The following DACH1 variants were observed in gnomAD, a reference collection of about 807,000 sequenced individuals.
The protein encoded by DACH1 is dachshund family transcription factor 1.
In DACH1, 12 loss-of-function variants were observed where a neutral mutation model predicts 54.2. That is an observed-to-expected ratio of 0.22 (90% CI 0.14 to 0.36). The LOEUF is 0.36. DACH1 is among the 10% of genes least tolerant of loss of function. The pLI, the probability that DACH1 is intolerant of heterozygous loss-of-function variation, is 1.00. For synonymous variants in DACH1, 386 were observed against 366.2 expected, an observed-to-expected ratio of 1.05 and a Z score of -0.62; for missense variants, 805 against 929.8, an observed-to-expected ratio of 0.87 and a Z score of 1.75.
rs1873731043 is a variant in DACH1, at chr13:71,438,678, C to T, written c.*1977G>A. ...GTAAGTTGTAGGCTTTTTTAAAAAT[C>T]TTTCAAAAAATGTATGATGCAAAAA... On this transcript the variant is annotated 3_prime_UTR_variant, in exon 11 of 11. Transcript: ENST00000613252. 6.6e-6 allele frequency: 1 copy of T among 152,378 alleles called. No individual in the cohort carries two copies. Among genetic ancestry groups the T allele is most frequent in the Non-Finnish European group, 1.5e-5 (1 of 67,870 alleles). 9.4% of individuals were successfully genotyped at this position (152,378 alleles called of 1,614,324 possible).
At position 71,866,293 on chromosome 13, in the gene DACH1, A is replaced by ACTGCTGCTG. The variant is rs772099803; in HGVS notation, c.468_476dup (p.Ser161_Ser163dup). The ACTGCTGCTG allele has an allele frequency of 1.3e-6, 2 of 1,566,780 alleles. No individual in the cohort carries two copies. The highest frequency in any genetic ancestry group is 1.7e-6 in the Non-Finnish European group (2 of 1,155,540). ...GGAGGGGGCCGCAGCTGCTGCTGCT[A>ACTGCTGCTG]CTGCTGCTGCTGCTACTACTGCTGC... On this transcript the variant is annotated inframe_insertion, in exon 1 of 11. Transcript: ENST00000613252.
chr13:71,496,450 A>G (rs2138221200), intron 6 of DACH1, among the ~76,000 whole-genome samples: 1 of 151,580 alleles, frequency 6.6e-6, no homozygotes, highest in Admixed American at 6.6e-5. Flanking sequence ...ATTATCTTAA[A>G]ACAAGTCAGT....
At chr13:71,531,021 G>A (rs1882379619) in intron 6 of DACH1, among the ~76,000 whole-genome samples, 2 of 152,000 alleles carry the variant, frequency 1.3e-5, no homozygotes, top group Admixed American at 6.6e-5. Context: ...GTGGTGGAAA[G>A]TTAGTTAGAA....
chr13:71,796,400 A>T (rs1037355960), intron 1 of DACH1, among the ~76,000 whole-genome samples: 3 of 152,090 alleles, frequency 2.0e-5, no homozygotes, highest in Non-Finnish European at 4.4e-5. Context: ...CTTTTCAATA[A>T]CACATAGTAT....
intron 10 of DACH1, among the ~76,000 whole-genome samples, chr13:71,452,028 A>C (rs566402891): frequency 6.6e-6 from 1 of 152,222 alleles, no homozygotes; most frequent in Non-Finnish European, 1.5e-5. Flanking sequence ...CATGGAGGCA[A>C]AATATTAATA....
chr13:71,675,095 C>T lies in DACH1; in HGVS notation c.964+6700G>A, dbSNP rs1880473586. 1.9e-6 allele frequency: 3 copies of T among 1,561,770 alleles called. No individual in the cohort carries two copies. In the East Asian group the frequency reaches 6.7e-5, roughly 35 times the overall value. On this transcript the variant is annotated intron_variant, in intron 2 of 10. Coordinates refer to ENST00000613252, the MANE Select transcript of DACH1 (RefSeq NM_080759.6). ...CGTACAAAGCAGACTGCCCGCAAAT[C>T]GACCGGTGGTAAAGCACCCAGGAAG...
In DACH1 at chr13:71,438,054, C is replaced by T. The variant is rs1212846145; in HGVS notation, c.*2601G>A. The T allele has an allele frequency of 6.6e-6, 1 of 152,252 alleles. No individual in the cohort carries two copies. Among genetic ancestry groups the T allele is most frequent in the African/African-American group, 2.4e-5 (1 of 41,386 alleles). 9.4% of individuals were successfully genotyped at this position (152,252 alleles called of 1,614,324 possible). A position where few individuals can be genotyped will look rare whatever the true frequency, so the allele number is the denominator to read the frequency against. On this transcript the variant is annotated 3_prime_UTR_variant, in exon 11 of 11. Coordinates refer to ENST00000613252, the MANE Select transcript of DACH1 (RefSeq NM_080759.6). ...GTAAACGTGGTTCTCACATTGAAAC[C>T]AGGCTCAAATAACTAGGCTACCATA...
intron 1 of DACH1, among the ~76,000 whole-genome samples, chr13:71,774,690 C>T (rs945057680): frequency 6.6e-6 from 1 of 152,092 alleles, no homozygotes; most frequent in African/African-American, 2.4e-5. Context: ...TCAGTGTGCT[C>T]ATTGTATTAG....
chr13:71,661,533 C>T (rs1394076609), intron 2 of DACH1, among the ~76,000 whole-genome samples: 1 of 151,868 alleles, frequency 6.6e-6, no homozygotes, highest in Non-Finnish European at 1.5e-5. Flanking sequence ...TTTTATATTT[C>T]AAACACTTAA....
At chr13:71,678,435 C>T (rs7998190) in intron 2 of DACH1, among the ~76,000 whole-genome samples, 27,707 of 151,878 alleles carry the variant, frequency 0.18, 5,568 homozygotes, top group African/African-American at 0.5. Context: ...ATGAAGGTAA[C>T]GCCATTCATG....
chr13:71,718,441 A>C (rs1267897923), intron 1 of DACH1, among the ~76,000 whole-genome samples: 1 of 152,008 alleles, frequency 6.6e-6, no homozygotes, highest in Non-Finnish European at 1.5e-5. Context: ...AAACAAAATT[A>C]GCTGGGCATG....
At chr13:71,576,632 T>C (rs973648630) in intron 3 of DACH1, among the ~76,000 whole-genome samples, 2 of 152,186 alleles carry the variant, frequency 1.3e-5, no homozygotes, top group East Asian at 1.9e-4. Context: ...TCAGAAATGA[T>C]GGGTTACAAA....
intron 1 of DACH1, among the ~76,000 whole-genome samples, chr13:71,769,231 C>G (rs746045965): frequency 5.3e-5 from 8 of 151,684 alleles, no homozygotes; most frequent in African/African-American, 1.7e-4. Flanking sequence ...ATATTTAAAG[C>G]TACAAATGCC....
intron 10 of DACH1, among the ~76,000 whole-genome samples, chr13:71,457,827 T>C (rs550061219): frequency 6.6e-6 from 1 of 152,056 alleles, no homozygotes; most frequent in South Asian, 2.1e-4. Context: ...GTCTCTCATC[T>C]GGACTTCACA....
At chr13:71,777,565 T>C (rs972183803) in intron 1 of DACH1, among the ~76,000 whole-genome samples, 7 of 152,162 alleles carry the variant, frequency 4.6e-5, no homozygotes, top group African/African-American at 1.7e-4. Flanking sequence ...TGATTTTATA[T>C]ATAATTATAT....
At chr13:71,792,997 C>T (rs1594228768) in intron 1 of DACH1, among the ~76,000 whole-genome samples, 1 of 152,134 alleles carries the variant, frequency 6.6e-6, no homozygotes, top group East Asian at 1.9e-4. Flanking sequence ...TTTGGAGCAG[C>T]TTTTAACCTG....
chr13:71,864,920 G>T (rs1193313741), intron 1 of DACH1, among the ~76,000 whole-genome samples: 1 of 152,134 alleles, frequency 6.6e-6, no homozygotes, highest in African/African-American at 2.4e-5. Context: ...CCTGCTCGCT[G>T]CTTAAGCTAC....
chr13:71,473,651 G>A (rs773192201), intron 10 of DACH1, among the ~76,000 whole-genome samples: 48 of 152,124 alleles, frequency 3.2e-4, no homozygotes, highest in Non-Finnish European at 6.3e-4. Context: ...TATTAACAAC[G>A]AATCTCTCAT....
At chr13:71,865,861 G>T in intron 1 of DACH1, 61 bp downstream of exon 1, 1 of 1,465,730 alleles carries the variant, frequency 6.8e-7, no homozygotes, top group South Asian at 1.4e-5. Context: ...AAGGAGCGAG[G>T]GCAGGCGAGC....
Sources: allele counts gnomAD v4.1 joint callset (sites outside exome capture counted in the v4.1 genomes callset), GRCh38; gene constraint gnomAD v4.1.1; transcripts MANE v1.5; gene names NCBI Gene and HGNC (gene_info 2026-07-23, HGNC 2026-07-21).